The following DST variants were observed in gnomAD, a reference collection of about 807,000 sequenced individuals.
DST encodes the protein bullous pemphigoid antigen.
DST carries 253 observed loss-of-function variants against 875.2 expected under a neutral mutation model. That is an observed-to-expected ratio of 0.29 (90% CI 0.26 to 0.32). The LOEUF is 0.32. Among genes scored for constraint, DST ranks in the 10% least tolerant of loss-of-function variants. The pLI is 1.00. For synonymous variants in DST, 3,124 were observed against 3,197.1 expected (o/e 0.98, Z 0.77); for missense variants, 8,287 against 9,111.6 (o/e 0.91, Z 3.68).
In DST at chr6:56,931,933, C is replaced by T. The variant is rs1810505372; in HGVS notation, c.216+21852G>A. Among the ~76,000 whole-genome samples the T allele has an allele frequency of 2.0e-5, 3 of 152,066 alleles. No individual in the cohort carries two copies. In the South Asian group the frequency reaches 6.2e-4, roughly 32 times the overall value. ...GAGACTTTGGACTTTCGGGTTAATGCTGAAATGAGTTAAGACTTTGGGGGA... is the reference window on the plus strand; with the variant it reads ...GAGACTTTGGACTTTCGGGTTAATGTTGAAATGAGTTAAGACTTTGGGGGA... On this transcript the variant is annotated intron_variant, in intron 2 of 103. Transcript: ENST00000680361.
chr6:56,460,829 C>T (rs765245333), intron 102 of DST: 5 of 152,192 alleles, frequency 3.3e-5, no homozygotes, highest in African/African-American at 9.7e-5. Context: ...CACTTCACTT[C>T]CTGGCTCTAT....
chr6:56,819,089 TC>T (rs1163099448), intron 4 of DST, among the ~76,000 whole-genome samples: 1 of 152,124 alleles, frequency 6.6e-6, no homozygotes, highest in African/African-American at 2.4e-5. Flanking sequence ...CTAAAACACT[TC>T]CTTTAAGCCA....
chr6:56,726,016 A>G (rs1382513291), intron 5 of DST, among the ~76,000 whole-genome samples: 2 of 152,184 alleles, frequency 1.3e-5, no homozygotes, highest in Admixed American at 6.5e-5. Context: ...AACACTGTAC[A>G]TCAACAGCAT....
At position 56,477,350 on chromosome 6, in the gene DST, C is replaced by G; in HGVS notation, c.21670G>C (p.Glu7224Gln). The G allele has an allele frequency of 1.2e-6, 2 of 1,613,798 alleles. No homozygotes were observed. The highest frequency in any genetic ancestry group is 1.7e-6 in the Non-Finnish European group (2 of 1,179,782). The change falls in exon 91 of 104, where the codon GAG (glutamate) becomes CAG (glutamine). Residue 7224 changes from glutamate (E) to glutamine (Q), a missense_variant. Glu to Gln is a conservative substitution (Grantham distance 29). This residue lies in a region of DST where 1,292 missense variants were observed against 1,552.7 expected (regional missense o/e 0.83). Transcript: ENST00000680361. Reference protein sequence around the residue: ...HWITIIRARFEEVLAWAKQHQ... With the variant: ...HWITIIRARFQEVLAWAKQHQ... ...ATTATCTGAGACACACTGACCTCCT[C>G]AAACCTCGCCCGGATGATTGTTATC...
chr6:56,494,213 T>G, intron 82 of DST, 33 bp from the exon 83 acceptor site: 1 of 1,545,942 alleles, frequency 6.5e-7, no homozygotes, highest in African/African-American at 1.4e-5. Flanking sequence ...TATATCACTT[T>G]AAGAAAGTAA....
rs1192473194 is a variant in DST, at chr6:56,572,849, G to A, written c.13452C>T (p.Asn4484=). Residue 4484 remains asparagine (N), a synonymous_variant, in exon 52 of 104, where the codon AAC becomes AAT. Transcript: ENST00000680361. ...AAAATGTCTGGAGCTTTTCTGAGAG[G>A]TTCTCAAACAGTTCTACTTTGGTTT... ...ELKTKVELFE[N]LSEKLQTFLE... 5.6e-6 allele frequency: 9 copies of A among 1,612,996 alleles called. No individual in the cohort carries two copies. Among genetic ancestry groups the A allele is most frequent in the Non-Finnish European group, 7.6e-6 (9 of 1,179,608 alleles).
In DST at chr6:56,670,815, T is replaced by C. The variant is rs770635340; in HGVS notation, c.1048-8A>G. 3 of 1,573,322 alleles carry C rather than the reference T, an allele frequency of 1.9e-6. No homozygotes were observed. The highest frequency in any genetic ancestry group is 2.3e-5 in the East Asian group (1 of 43,502). On this transcript the variant is annotated splice_region_variant and splice_polypyrimidine_tract_variant and intron_variant, in intron 9 of 103. Coordinates refer to ENST00000680361, the MANE Select transcript of DST (RefSeq NM_001374736.1). ...AACATGGATATCAGATATCTAGATATAACAGAAAGTGTTAAACCTTTAGGA... is the reference window on the plus strand; with the variant it reads ...AACATGGATATCAGATATCTAGATACAACAGAAAGTGTTAAACCTTTAGGA...
chr6:56,874,526 A>G (rs1446342433), intron 3 of DST, among the ~76,000 whole-genome samples: 2 of 152,210 alleles, frequency 1.3e-5, no homozygotes, highest in African/African-American at 4.8e-5. Context: ...AAACTTGTCA[A>G]AAATATTATC....
At position 56,930,930 on chromosome 6, in the gene DST, T is replaced by C. The variant is rs1181606793; in HGVS notation, c.216+22855A>G. On this transcript the variant is annotated intron_variant, in intron 2 of 103. Coordinates refer to ENST00000680361, the MANE Select transcript of DST (RefSeq NM_001374736.1). ...AAACATGTTTAGGATGTCATTAATA[T>C]ACAATGTGAAAGAGAAGGTTATATA... Among the ~76,000 whole-genome samples the C allele has an allele frequency of 2.6e-5, 4 of 152,316 alleles. No individual in the cohort carries two copies. In the East Asian group the frequency reaches 5.8e-4, roughly 22 times the overall value.
In DST at chr6:56,598,723, AG is replaced by A; in HGVS notation, c.11695-15del. 6.9e-7 allele frequency: 1 copy of A among 1,454,938 alleles called. No homozygotes were observed. Among genetic ancestry groups the A allele is most frequent in the Non-Finnish European group, 9.3e-7 (1 of 1,073,820 alleles). The allele number at this position is 1,454,938 out of a possible 1,614,324, so 90.1% of individuals were successfully genotyped here. On this transcript the variant is annotated splice_polypyrimidine_tract_variant and intron_variant, in intron 45 of 103. Coordinates refer to ENST00000680361, the MANE Select transcript of DST (RefSeq NM_001374736.1). Reference sequence around the variant, plus strand: ...TTTCTGTAATTCCTTATAACACAAAAGGAAAAAATATATTTTATTAAATTAT... The same window carrying A: ...TTTCTGTAATTCCTTATAACACAAAAGAAAAAATATATTTTATTAAATTAT...
chr6:56,860,628 TACCTAC>T (rs1427963727), intron 3 of DST, among the ~76,000 whole-genome samples: 1 of 152,174 alleles, frequency 6.6e-6, no homozygotes, highest in African/African-American at 2.4e-5. Flanking sequence ...TTTGCTCCCG[TACCTAC>T]CCTTGGTCAA....
chr6:56,534,310 G>A (rs945243046), intron 63 of DST, among the ~76,000 whole-genome samples: 5 of 151,894 alleles, frequency 3.3e-5, no homozygotes, highest in African/African-American at 4.8e-5. Flanking sequence ...TTAACAGTAC[G>A]CCATGCTCTA....
At chr6:56,615,609 T>C (rs2098606168) in intron 36 of DST, 1 of 1,614,176 alleles carries the variant, frequency 6.2e-7, no homozygotes, top group Admixed American at 1.7e-5. Flanking sequence ...AAATCAGCTT[T>C]TTCTAAGGCT....
At position 56,581,516 on chromosome 6, in the gene DST, T is replaced by C. The variant is rs146928492; in HGVS notation, c.12904-2579A>G. On this transcript the variant is annotated intron_variant, in intron 49 of 103. Coordinates refer to ENST00000680361, the MANE Select transcript of DST (RefSeq NM_001374736.1). ...GTAGCAGTCCCCGCGTATCTCTGAG[T>C]GAACAGATGTGGCTCAACAATGGGA... Among the ~76,000 whole-genome samples the C allele has an allele frequency of 6.3e-3, 965 of 152,162 alleles. 8 individuals carry two copies. Among genetic ancestry groups the C allele is most frequent in the African/African-American group, 0.022 (902 of 41,506 alleles).
chr6:56,534,005 T>C (rs555499425), intron 63 of DST, among the ~76,000 whole-genome samples: 23 of 152,316 alleles, frequency 1.5e-4, no homozygotes, highest in Admixed American at 2.6e-4. Context: ...TATGTATACA[T>C]TGTGGAATGA....
intron 61 of DST, among the ~76,000 whole-genome samples, chr6:56,551,099 A>C (rs185260196): frequency 2.0e-5 from 3 of 152,318 alleles, no homozygotes; most frequent in Admixed American, 1.3e-4. Context: ...ATAAACTGCA[A>C]ATAATCATAA....
At chr6:56,931,154 A>T (rs1314755782) in intron 2 of DST, among the ~76,000 whole-genome samples, 2 of 152,334 alleles carry the variant, frequency 1.3e-5, no homozygotes, top group South Asian at 2.1e-4. Flanking sequence ...AGTTTGGGAA[A>T]GAAAGGCAAA....
chr6:56,567,423 C>A (rs1213188945), intron 55 of DST, among the ~76,000 whole-genome samples: 11 of 111,620 alleles, frequency 9.9e-5, no homozygotes, highest in South Asian at 5.4e-4. Context: ...TGGTAGTTAC[C>A]AAGAGTAAAA....
Position 56,954,589 on chromosome 6 carries a change from G to C in DST, c.-2C>G, listed in dbSNP as rs1454089384. 2 of 1,354,504 alleles carry C rather than the reference G, an allele frequency of 1.5e-6. No individual in the cohort carries two copies. 83.9% of individuals were successfully genotyped at this position (1,354,504 alleles called of 1,614,324 possible). A position where few individuals can be genotyped will look rare whatever the true frequency, so the allele number is the denominator to read the frequency against. Reference sequence around the variant, plus strand: ...GACGAGGAAAGCCGCGGCGATCATGGTGCGGGCGAGGCGAGGGCGACTCGA... The same window carrying C: ...GACGAGGAAAGCCGCGGCGATCATGCTGCGGGCGAGGCGAGGGCGACTCGA... On this transcript the variant is annotated 5_prime_UTR_variant, in exon 1 of 104. Transcript: ENST00000680361.
Sources: allele counts gnomAD v4.1 joint callset (sites outside exome capture counted in the v4.1 genomes callset), GRCh38; gene constraint gnomAD v4.1.1; regional missense constraint gnomAD v4.1.1; transcripts MANE v1.5; gene names NCBI Gene and HGNC (gene_info 2026-07-23, HGNC 2026-07-21).